Variants in SLC12A6 observed in about 807,000 individuals in gnomAD.
SLC12A6 encodes K-Cl cotransporter 3.
Under a neutral mutation model 135.3 loss-of-function variants are expected in SLC12A6, and 66 were observed. The ratio of observed to expected loss-of-function variants is 0.49; its 90% CI spans 0.40 to 0.60. SLC12A6 has a LOEUF of 0.60. Among genes scored for constraint, SLC12A6 ranks in the 20% least tolerant of loss-of-function variants. The probability of loss-of-function intolerance (pLI) is 0.00; values close to 1 mark genes in which losing one functional copy is unlikely to be tolerated. For missense variants in SLC12A6, 1,058 were observed against 1,452.3 expected (o/e 0.73, Z 4.41); for synonymous variants, 513 against 508.8 (o/e 1.01, Z -0.11).
chr15:34,240,062 T>A (rs1174573150), intron 19 of SLC12A6, among the ~76,000 whole-genome samples: 1 of 152,070 alleles, frequency 6.6e-6, no homozygotes, highest in African/African-American at 2.4e-5. Context: ...AACTCGTCAT[T>A]TACATTAGGT....
At chr15:34,285,569 T>C (rs918012644) in intron 2 of SLC12A6, among the ~76,000 whole-genome samples, 5 of 151,422 alleles carry the variant, frequency 3.3e-5, no homozygotes, top group Non-Finnish European at 7.4e-5. Context: ...ACCAGTGGGA[T>C]GGGTTTTTAA....
intron 2 of SLC12A6, among the ~76,000 whole-genome samples, chr15:34,299,259 G>A (rs75344263): frequency 0.018 from 2,673 of 152,274 alleles, 73 homozygotes; most frequent in Admixed American, 0.046. Context: ...GGCTTATAGG[G>A]TGAACTCGAA....
chr15:34,327,515 G>A (rs537332521), intron 2 of SLC12A6, among the ~76,000 whole-genome samples: 19 of 152,052 alleles, frequency 1.2e-4, no homozygotes, highest in Admixed American at 7.2e-4. Context: ...AAAATCAACC[G>A]GGCATGGTGG....
rs146779495 is a variant in SLC12A6 at position 34,246,095 on chromosome 15, G to A, written c.1650-228C>T. On this transcript the variant is annotated intron_variant, in intron 13 of 25. Transcript: ENST00000354181. ...TCACAGGTGTGCACCAACACACCTG[G>A]CTAATTTTTGTATTTTGAGTAAAGA... Among the ~76,000 whole-genome samples the A allele has an allele frequency of 0.016, 2,498 of 152,162 alleles. 64 individuals carry two copies. The highest frequency in any genetic ancestry group is 0.057 in the African/African-American group (2,378 of 41,478).
At chr15:34,312,712 T>C (rs1398709579) in intron 2 of SLC12A6, among the ~76,000 whole-genome samples, 2 of 152,204 alleles carry the variant, frequency 1.3e-5, no homozygotes, top group Non-Finnish European at 2.9e-5. Context: ...TCACAGATAC[T>C]TTGGGGTTTT....
chr15:34,291,860 G>C (rs1412862543), intron 2 of SLC12A6, among the ~76,000 whole-genome samples: 1 of 151,966 alleles, frequency 6.6e-6, no homozygotes, highest in Non-Finnish European at 1.5e-5. Context: ...TCTCTACACT[G>C]GTTATTCTAG....
intron 2 of SLC12A6, among the ~76,000 whole-genome samples, chr15:34,320,143 G>C (rs1352107924): frequency 2.6e-5 from 4 of 152,272 alleles, no homozygotes; most frequent in Admixed American, 1.3e-4. Flanking sequence ...GTAAGGTTGT[G>C]CTAAATTTAA....
chr15:34,254,536 T>C lies in SLC12A6; in HGVS notation c.930A>G (p.Glu310=). 6.2e-7 allele frequency: 1 copy of C among 1,611,088 alleles called. No homozygotes were observed. The highest frequency in any genetic ancestry group is 8.5e-7 in the Non-Finnish European group (1 of 1,177,204). ...GCATGTTATTTAGCATGGCTGCTGA[T>C]TCCTTGAGTGCGTCATCACTGTGAA... The part of the protein sequence containing the change: ...AIFHSDDALK[E]SAAMLNNMRV... The change falls in exon 9 of 26, where the codon GAA becomes GAG. Residue 310 remains glutamate (E), a synonymous_variant. Transcript: ENST00000354181.
At chr15:34,308,332 G>A (rs1368146186) in intron 2 of SLC12A6, among the ~76,000 whole-genome samples, 1 of 152,020 alleles carries the variant, frequency 6.6e-6, no homozygotes, top group Non-Finnish European at 1.5e-5. Flanking sequence ...ACTAAAGACT[G>A]TTGGATTAAG....
chr15:34,330,039 A>G (rs1320301468), intron 2 of SLC12A6, among the ~76,000 whole-genome samples: 3 of 152,324 alleles, frequency 2.0e-5, no homozygotes, highest in South Asian at 2.1e-4. Flanking sequence ...ATAAACATCT[A>G]TAAGAAAATT....
chr15:34,296,111 A>G (rs76412881), intron 2 of SLC12A6, among the ~76,000 whole-genome samples: 4,157 of 152,294 alleles, frequency 0.027, 194 homozygotes, highest in African/African-American at 0.095. Flanking sequence ...AATGATTCCA[A>G]TTCAAATAAA....
chr15:34,337,064 A>C, intron 1 of SLC12A6: 1 of 330,804 alleles, frequency 3.0e-6, no homozygotes. Flanking sequence ...CTCAGCCCCC[A>C]GTTTCCTGTC....
chr15:34,329,990 A>G (rs992017823), intron 2 of SLC12A6, among the ~76,000 whole-genome samples: 9 of 152,342 alleles, frequency 5.9e-5, no homozygotes, highest in African/African-American at 1.9e-4. Context: ...ACTTCAATAT[A>G]TATCTTTATA....
At position 34,237,428 on chromosome 15, in the gene SLC12A6, C is replaced by A. The variant is rs112835706; in HGVS notation, c.2925G>T (p.Val975=). 6.2e-7 allele frequency: 1 copy of A among 1,612,594 alleles called. No individual in the cohort carries two copies. Among genetic ancestry groups the A allele is most frequent in the Admixed American group, 1.7e-5 (1 of 59,962 alleles). Residue 975 remains valine (V), a synonymous_variant, in exon 22 of 26, where the codon GTG becomes GTT. Transcript: ENST00000354181. ...AACTCAGCTTTCTCACCATCTCCAC[C>A]ACTTCTACCTCCGCCTCAATGCGTA... ...YHLRIEAEVE[V]VEMHDSDISA... is the part of the protein sequence containing the mutation.
intron 3 of SLC12A6, among the ~76,000 whole-genome samples, chr15:34,266,985 A>G (rs75362589): frequency 0.011 from 1,663 of 151,876 alleles, 38 homozygotes; most frequent in African/African-American, 0.038. Context: ...CTCATCCTCT[A>G]TCTCTCCCAC....
intron 2 of SLC12A6, among the ~76,000 whole-genome samples, chr15:34,305,942 T>A (rs894167434): frequency 6.6e-6 from 1 of 152,086 alleles, no homozygotes; most frequent in Admixed American, 6.5e-5. Flanking sequence ...TATCTTTTTT[T>A]AGTAGAGATG....
intron 13 of SLC12A6, among the ~76,000 whole-genome samples, chr15:34,248,026 A>C (rs1478988394): frequency 6.6e-6 from 1 of 152,140 alleles, no homozygotes; most frequent in Non-Finnish European, 1.5e-5. Context: ...AATACTATAG[A>C]GTTTTACCGT....
At position 34,336,427 on chromosome 15, in the gene SLC12A6, G is replaced by T; in HGVS notation, c.254C>A (p.Pro85His). ...CTACTTACCCTCGATGACATCCTGG[G>T]GGTGAGAAGTCCGGTCACTGGGTGG... The part of the protein sequence containing the change: ...LDPPSDRTSH[P>H]QDVIEDLSQN... The change falls in exon 2 of 26, where the codon CCC becomes CAC. Residue 85 changes from proline to histidine, a missense_variant. Coordinates refer to ENST00000354181, the MANE Select transcript of SLC12A6 (RefSeq NM_001365088.1). 6.2e-7 allele frequency: 1 copy of T among 1,613,860 alleles called. No individual in the cohort carries two copies. The highest frequency in any genetic ancestry group is 8.5e-7 in the Non-Finnish European group (1 of 1,179,784).
At chr15:34,315,047 G>T (rs1472635485) in intron 2 of SLC12A6, among the ~76,000 whole-genome samples, 9 of 152,318 alleles carry the variant, frequency 5.9e-5, no homozygotes, top group African/African-American at 1.9e-4. Context: ...TTATGGTTGA[G>T]CAAAGAAAGT....
Sources: gnomAD v4.1 joint callset for allele counts (sites outside exome capture counted in the v4.1 genomes callset) on GRCh38, gnomAD v4.1.1 for gene constraint, MANE v1.5 for transcripts, NCBI Gene and HGNC (gene_info 2026-07-23, HGNC 2026-07-21) for gene names.